The following HELB variants were observed in gnomAD, a reference collection of about 807,000 sequenced individuals.
HELB encodes DNA helicase B.
A neutral mutation model predicts 101.7 loss-of-function variants in HELB; 96 were observed. The ratio of observed to expected loss-of-function variants is 0.94; its 90% CI spans 0.80 to 1.12. The LOEUF is 1.12. HELB is among the 50% of genes most tolerant of loss of function. The probability of loss-of-function intolerance (pLI) is 0.00; values close to 1 mark genes in which losing one functional copy is unlikely to be tolerated. For synonymous variants in HELB, 437 were observed against 459.7 expected, an observed-to-expected ratio of 0.95 and a Z score of 0.63; for missense variants, 1,210 against 1,291.9, an observed-to-expected ratio of 0.94 and a Z score of 0.97.
Position 66,337,156 on chromosome 12 carries a change from G to A in HELB, c.3163-845G>A, listed in dbSNP as rs553028575. ...CACCATTAATCAGATTGGGAAAAGA[G>A]TCTGAGGGTCAGGTTTTGTGGGAAA... On this transcript the variant is annotated intron_variant, in intron 12 of 12. Transcript: ENST00000247815. Among the ~76,000 whole-genome samples the A allele has an allele frequency of 2.0e-5, 3 of 152,222 alleles. No individual in the cohort carries two copies. The East Asian group carries it at 5.8e-4, about 30-fold the overall frequency.
intron 4 of HELB, among the ~76,000 whole-genome samples, chr12:66,312,235 T>A (rs2053553213): frequency 6.6e-6 from 1 of 152,142 alleles, no homozygotes; most frequent in Non-Finnish European, 1.5e-5. Flanking sequence ...GGACTTGAAA[T>A]GGAGATTTCT....
In HELB at chr12:66,310,347, A is replaced by G; in HGVS notation, c.1419A>G (p.Ile473Met). The G allele has an allele frequency of 1.2e-6, 2 of 1,614,186 alleles. No homozygotes were observed. The highest frequency in any genetic ancestry group is 1.7e-6 in the Non-Finnish European group (2 of 1,180,030). Reference protein sequence around the residue: ...EMICSNPVTVISGKGGCGKTT... With the variant: ...EMICSNPVTVMSGKGGCGKTT... ...TTTGCTCCAATCCTGTGACAGTCAT[A>G]AGTGGGAAAGGTGGATGTGGGAAGA... The change falls in exon 4 of 13, where the codon ATA (isoleucine) becomes ATG (methionine). Residue 473 changes from isoleucine to methionine, a missense_variant. Ile to Met is a conservative substitution (Grantham distance 10). Transcript: ENST00000247815.
intron 6 of HELB, 37 bp from the exon 7 acceptor site, chr12:66,318,601 T>C (rs779136628): frequency 1.9e-6 from 3 of 1,558,368 alleles, no homozygotes; most frequent in Non-Finnish European, 2.6e-6. Context: ...TTTTGGATGA[T>C]AATGTTCTTT....
At chr12:66,308,632 C>T (rs1289758549) in intron 3 of HELB, among the ~76,000 whole-genome samples, 1 of 152,158 alleles carries the variant, frequency 6.6e-6, no homozygotes, top group Non-Finnish European at 1.5e-5. Context: ...GGCTTCTCTC[C>T]TTGGCTTGTA....
Position 66,306,458 on chromosome 12 carries a change from T to C in HELB, c.721T>C (p.Leu241=). Residue 241 remains leucine, a synonymous_variant, in exon 3 of 13, where the codon TTG becomes CTG. Transcript: ENST00000247815. ...CATAGGGTCAGGTTCTAAAGAGATG[T>C]TGAAAGAGATAGAAGAGATTTTAGG... ...WIIGSGSKEM[L]KEIEEILGTH... 2 of 1,607,146 alleles carry C rather than the reference T, an allele frequency of 1.2e-6. No individual in the cohort carries two copies. Among genetic ancestry groups the C allele is most frequent in the Non-Finnish European group, 1.7e-6 (2 of 1,176,964 alleles).
At chr12:66,309,441 G>A (rs1011914868) in intron 3 of HELB, among the ~76,000 whole-genome samples, 2 of 152,046 alleles carry the variant, frequency 1.3e-5, no homozygotes, top group Non-Finnish European at 2.9e-5. Context: ...GATAAGGAAA[G>A]GATTCATAAT....
chr12:66,307,743 CCTTTT>C (rs1214541631), intron 3 of HELB, among the ~76,000 whole-genome samples: 15 of 151,578 alleles, frequency 9.9e-5, no homozygotes, highest in South Asian at 8.3e-4. Flanking sequence ...CTCTACCTCC[CCTTTT>C]CTTTTCTTTT....
intron 12 of HELB, among the ~76,000 whole-genome samples, chr12:66,333,014 CCTT>C (rs1658264763): frequency 6.6e-6 from 1 of 151,920 alleles, no homozygotes; most frequent in Non-Finnish European, 1.5e-5. Context: ...TTTTCTGTCT[CCTT>C]CTCATTCAGC....
intron 11 of HELB, among the ~76,000 whole-genome samples, chr12:66,329,506 A>G (rs1397544298): frequency 6.6e-6 from 1 of 152,136 alleles, no homozygotes; most frequent in East Asian, 1.9e-4. Context: ...TGGTTCATGG[A>G]AAAGAAAGGG....
chr12:66,323,034 C>G lies in HELB; in HGVS notation c.2297+251C>G, dbSNP rs778998825. Among the ~76,000 whole-genome samples, 166 of 151,906 alleles carry G rather than the reference C, an allele frequency of 1.1e-3. 1 individual carries two copies. The highest frequency in any genetic ancestry group is 2.0e-3 in the Non-Finnish European group (139 of 67,972). On this transcript the variant is annotated intron_variant, in intron 9 of 12. Coordinates refer to ENST00000247815, the MANE Select transcript of HELB (RefSeq NM_001370285.1). ...ATTTTTTTGGTTTCAACCTTGGCAG[C>G]CTTCAGCTTCTCCAAGATAAGCATG... is the stretch of plus-strand genomic sequence containing the variant.
In HELB at chr12:66,302,610, A is replaced by AGG; in HGVS notation, c.8_9dup (p.Ser4GlyfsTer27). The AGG allele has an allele frequency of 6.2e-7, 1 of 1,613,282 alleles. No homozygotes were observed. Among genetic ancestry groups the AGG allele is most frequent in the Non-Finnish European group, 8.5e-7 (1 of 1,179,290 alleles). On this transcript the variant is annotated frameshift_variant, in exon 1 of 13. Transcript: ENST00000247815. LOFTEE classifies it high-confidence loss of function. ...GGTTGAGTTCAGGAGAAGCATGGCC[A>AGG]GGTCGAGTCCGTACCTGCGCCAACT...
chr12:66,303,095 TTTTTTTTTTTTTA>T (rs1466651850), intron 1 of HELB, among the ~76,000 whole-genome samples: 2 of 114,128 alleles, frequency 1.8e-5, no homozygotes, highest in Non-Finnish European at 3.9e-5. Flanking sequence ...CCTTTTTTTT[TTTTTTTTTTTTTA>T]AAATTATTCT....
chr12:66,339,982 T>C (rs1272896952), downstream of HELB: 2 of 152,216 alleles, frequency 1.3e-5, no homozygotes, highest in Non-Finnish European at 2.9e-5. Context: ...TCCCAGTATA[T>C]GGATAAAGGA....
intron 2 of HELB, among the ~76,000 whole-genome samples, chr12:66,305,397 C>G (rs2053462858): frequency 6.6e-6 from 1 of 152,028 alleles, no homozygotes. Flanking sequence ...TTTAATCTCT[C>G]TTTCTAACTT....
Position 66,325,020 on chromosome 12 carries a change from T to C in HELB, c.2564T>C (p.Leu855Ser). The C allele has an allele frequency of 6.2e-7, 1 of 1,612,702 alleles. No homozygotes were observed. The highest frequency in any genetic ancestry group is 1.1e-5 in the South Asian group (1 of 91,010). Residue 855 changes from leucine to serine, a missense_variant, in exon 11 of 13, where the codon TTG (leucine) becomes TCG (serine). By Grantham distance (145) the Leu-to-Ser change is moderately radical. Transcript: ENST00000247815. ...GTAACTTTTGGAAAGAGAAGATCTTTGACCATTAATAATATGGCTGGCCTG... is the reference window on the plus strand; with the variant it reads ...GTAACTTTTGGAAAGAGAAGATCTTCGACCATTAATAATATGGCTGGCCTG... Reference protein sequence around the residue: ...TDVTFGKRRSLTINNMAGLEV... With the variant: ...TDVTFGKRRSSTINNMAGLEV...
At chr12:66,302,818 G>A (rs2053421684) in intron 1 of HELB, 28 bp downstream of exon 1, 1 of 1,568,482 alleles carries the variant, frequency 6.4e-7, no homozygotes. Flanking sequence ...CCGGGGGATG[G>A]GGTTGGAGGG....
intron 11 of HELB, among the ~76,000 whole-genome samples, chr12:66,328,834 T>G (rs934978359): frequency 2.6e-5 from 4 of 152,202 alleles, no homozygotes; most frequent in Non-Finnish European, 5.9e-5. Context: ...TTAGCTTAAG[T>G]AAAATACAGG....
At chr12:66,305,746 TAAA>T (rs11340576) in intron 2 of HELB, among the ~76,000 whole-genome samples, 3 of 147,302 alleles carry the variant, frequency 2.0e-5, no homozygotes, top group African/African-American at 5.0e-5. Flanking sequence ...CCGTCTCAGT[TAAA>T]AAAAAAAAAA....
At chr12:66,332,575 G>A (rs1168310) in intron 12 of HELB, among the ~76,000 whole-genome samples, 62,854 of 152,036 alleles carry the variant, frequency 0.41, 13,575 homozygotes, top group East Asian at 0.52. Flanking sequence ...CTTAGTTATC[G>A]GAGTAAGTCT....
Sources: allele counts gnomAD v4.1 joint callset (sites outside exome capture counted in the v4.1 genomes callset), GRCh38; gene constraint gnomAD v4.1.1; transcripts MANE v1.5; gene names NCBI Gene and HGNC (gene_info 2026-07-23, HGNC 2026-07-21).